The following ATP2B2 variants were observed in gnomAD, a reference collection of about 807,000 sequenced individuals.
The protein encoded by ATP2B2 is ATPase plasma membrane Ca2+ transporting 2.
A neutral mutation model predicts 120.0 loss-of-function variants in ATP2B2; 15 were observed. The ratio of observed to expected loss-of-function variants is 0.12; its 90% CI spans 0.08 to 0.19. The LOEUF (loss-of-function observed/expected upper bound fraction) is 0.19. Ranked by LOEUF, ATP2B2 falls within the 10% of genes least tolerant of loss-of-function variation. ATP2B2 has a pLI of 1.00. For missense variants in ATP2B2, 1,045 were observed against 1,719.8 expected (o/e 0.61, Z 6.94); for synonymous variants, 694 against 700.3 (o/e 0.99, Z 0.14).
chr3:10,376,319 C>G (rs1163714859), intron 10 of ATP2B2, among the ~76,000 whole-genome samples: 3 of 151,340 alleles, frequency 2.0e-5, no homozygotes, highest in African/African-American at 7.4e-5. Context: ...GGAGTGGTTA[C>G]TTTAGCTAGG....
intron 22 of ATP2B2, among the ~76,000 whole-genome samples, chr3:10,336,798 A>G (rs1056105926): frequency 1.3e-5 from 2 of 152,210 alleles, no homozygotes; most frequent in African/African-American, 4.8e-5. Context: ...TGGCAGGGTT[A>G]TCTGTAAGTG....
Position 10,624,766 on chromosome 3 carries a change from G to A in ATP2B2, c.-459-4805C>T, listed in dbSNP as rs571800060. ...AATGAGTTGTAAGACCCATATAAGA[G>A]GTTGTAACTATTAACTAAAGAGGAA... On this transcript the variant is annotated intron_variant, in intron 1 of 21. Coordinates refer to the ATP2B2 transcript ENST00000646379. Among the ~76,000 whole-genome samples the A allele has an allele frequency of 8.5e-5, 13 of 152,336 alleles. 1 individual carries two copies. Among genetic ancestry groups the A allele is most frequent in the Middle Eastern group, 6.8e-3 (2 of 294 alleles).
At chr3:10,650,270 G>A (rs1236545699) in intron 1 of ATP2B2, among the ~76,000 whole-genome samples, 1 of 152,224 alleles carries the variant, frequency 6.6e-6, no homozygotes, top group Non-Finnish European at 1.5e-5. Context: ...ACTGGAGAAA[G>A]GTGACTCTTG....
At position 10,402,845 on chromosome 3, in the gene ATP2B2, G is replaced by A. The variant is rs528335055; in HGVS notation, c.398-497C>T. Among the ~76,000 whole-genome samples the A allele has an allele frequency of 1.3e-5, 2 of 152,326 alleles. No homozygotes were observed. Among genetic ancestry groups the A allele is most frequent in the Admixed American group, 1.3e-4 (2 of 15,310 alleles). On this transcript the variant is annotated intron_variant, in intron 3 of 22. Coordinates refer to ENST00000360273, the MANE Select transcript of ATP2B2 (RefSeq NM_001001331.4). The surrounding 1 kb of genome is among the most constrained non-coding windows in gnomAD (Gnocchi z 4.9). ...GACTCTACAGCACAGACAAGGCACA[G>A]AGGAGAGAAAAGAGAATTTTCTCTA... is the stretch of plus-strand genomic sequence containing the variant.
At position 10,326,574 on chromosome 3, in the gene ATP2B2, G is replaced by A. The variant is rs556675918; in HGVS notation, c.*2240C>T. On this transcript the variant is annotated 3_prime_UTR_variant, in exon 23 of 23. Transcript: ENST00000360273. The stretch of plus-strand genomic sequence containing the variant: ...TCCAAGGCTGCCCCATGTTTTACAC[G>A]TGCAGATCTTTCCTTCCTTGTAGGA... 5.8e-5 allele frequency: 23 copies of A among 397,720 alleles called. No individual in the cohort carries two copies. The South Asian group carries it at 1.9e-3, about 32-fold the overall frequency. 24.6% of individuals were successfully genotyped at this position (397,720 alleles called of 1,614,324 possible).
chr3:10,518,855 G>A (rs2066927094), intron 3 of ATP2B2, among the ~76,000 whole-genome samples: 1 of 152,202 alleles, frequency 6.6e-6, no homozygotes. Context: ...TTTGTTCTGT[G>A]TGGCCATGGG....
At chr3:10,453,996 C>T in intron 1 of ATP2B2, among the ~76,000 whole-genome samples, 1 of 151,756 alleles carries the variant, frequency 6.6e-6, no homozygotes, top group Non-Finnish European at 1.5e-5. Flanking sequence ...ACCCTTCCAT[C>T]CATTCATCCA....
intron 2 of ATP2B2, among the ~76,000 whole-genome samples, chr3:10,561,897 G>A (rs1450379430): frequency 6.6e-6 from 1 of 152,142 alleles, no homozygotes; most frequent in East Asian, 1.9e-4. Context: ...GAATAGGCTA[G>A]TACAGTCACA....
At chr3:10,696,754 C>T (rs2071747726) in intron 1 of ATP2B2, among the ~76,000 whole-genome samples, 1 of 152,178 alleles carries the variant, frequency 6.6e-6, no homozygotes. Flanking sequence ...ATCCCAATCC[C>T]TTTACTTTTT....
Position 10,382,393 on chromosome 3 carries a change from C to T in ATP2B2, c.1000+2875G>A, listed in dbSNP as rs559856791. 2.4e-4 allele frequency among the ~76,000 whole-genome samples: 37 copies of T among 151,584 alleles called. No individual in the cohort carries two copies. The South Asian group carries it at 7.3e-3, about 30-fold the overall frequency. On this transcript the variant is annotated intron_variant, in intron 8 of 22. Transcript: ENST00000360273. The stretch of plus-strand genomic sequence containing the variant: ...ACAGAGTCTCACTCTGTCTCCTAGG[C>T]TGGAGTGCAGTGGCATGATCTCAGC...
At position 10,685,727 on chromosome 3, in the gene ATP2B2, G is replaced by A. The variant is rs142520945; in HGVS notation, c.-460+22188C>T. 5.1e-3 allele frequency among the ~76,000 whole-genome samples: 770 copies of A among 152,310 alleles called. 8 individuals carry two copies. The highest frequency in any genetic ancestry group is 0.017 in the African/African-American group (698 of 41,578). On this transcript the variant is annotated intron_variant, in intron 1 of 21. Coordinates refer to the ATP2B2 transcript ENST00000646379. ...GTGGTGGGCATGTGTGCACATGCAGGAACACACATGATCCCATACATGTGT... is the reference window on the plus strand; with the variant it reads ...GTGGTGGGCATGTGTGCACATGCAGAAACACACATGATCCCATACATGTGT...
At chr3:10,506,184 T>C (rs77543489), upstream of ATP2B2, among the ~76,000 whole-genome samples, 839 of 152,156 alleles carry the variant, frequency 5.5e-3, 14 homozygotes, top group East Asian at 0.034. Context: ...ACATCTGTGT[T>C]TCCAGGGCCA....
chr3:10,364,169 C>T (rs1278766167), intron 12 of ATP2B2, among the ~76,000 whole-genome samples: 1 of 152,118 alleles, frequency 6.6e-6, no homozygotes, highest in African/African-American at 2.4e-5. Flanking sequence ...TTATGAGTTA[C>T]TGGAGCAGTC....
chr3:10,346,241 C>G lies in ATP2B2; in HGVS notation c.2405-104G>C. On this transcript the variant is annotated intron_variant, in intron 16 of 22. Transcript: ENST00000360273. The surrounding 1 kb of genome is among the most constrained non-coding windows in gnomAD (Gnocchi z 4.1). ...GGCCTGGCTGGGCATGGCTTCCTCT[C>G]TGGTCCCTGTCCAGCCGCCCCCTCC... The G allele has an allele frequency of 1.8e-6, 2 of 1,116,408 alleles. No individual in the cohort carries two copies. Among genetic ancestry groups the G allele is most frequent in the Admixed American group, 1.9e-5 (1 of 52,752 alleles). The allele number at this position is 1,116,408 out of a possible 1,614,324, so 69.2% of individuals were successfully genotyped here. A position where few individuals can be genotyped will look rare whatever the true frequency, so the allele number is the denominator to read the frequency against.
intron 1 of ATP2B2, among the ~76,000 whole-genome samples, chr3:10,460,860 C>G (rs915548135): frequency 2.0e-5 from 3 of 152,184 alleles, no homozygotes; most frequent in African/African-American, 7.2e-5. Flanking sequence ...GTGGTAGCAT[C>G]TCAGTCTGAC....
chr3:10,622,228 C>G (rs2069571963), intron 1 of ATP2B2, among the ~76,000 whole-genome samples: 1 of 152,156 alleles, frequency 6.6e-6, no homozygotes, highest in Non-Finnish European at 1.5e-5. Flanking sequence ...CTGTCTTTAT[C>G]AGCCGTGCCC....
intron 2 of ATP2B2, among the ~76,000 whole-genome samples, chr3:10,549,197 C>T (rs1466649127): frequency 1.3e-5 from 2 of 152,166 alleles, no homozygotes; most frequent in Admixed American, 6.5e-5. Context: ...TGGCTTCCTC[C>T]CCTGAGTTCT....
At chr3:10,700,114 AT>A (rs1171405222) in intron 1 of ATP2B2, among the ~76,000 whole-genome samples, 1 of 152,136 alleles carries the variant, frequency 6.6e-6, no homozygotes, top group African/African-American at 2.4e-5. Context: ...GTGAGACAGG[AT>A]TGGAGAGTGT....
At chr3:10,539,680 C>A (rs957467678) in intron 2 of ATP2B2, among the ~76,000 whole-genome samples, 1 of 152,178 alleles carries the variant, frequency 6.6e-6, no homozygotes, top group South Asian at 2.1e-4. Flanking sequence ...AAAGCTGAAA[C>A]TGGATCCCTT....
Sources: gnomAD v4.1 joint callset for allele counts (sites outside exome capture counted in the v4.1 genomes callset) on GRCh38, gnomAD v4.1.1 for gene constraint, Gnocchi (gnomAD v3.1) non-coding constraint, MANE v1.5 for transcripts, NCBI Gene and HGNC (gene_info 2026-07-23, HGNC 2026-07-21) for gene names.